The following P2RX2 variants were observed in gnomAD, a reference collection of about 807,000 sequenced individuals.
P2RX2 encodes the protein P2X purinoceptor 2.
P2RX2 carries 50 observed loss-of-function variants against 54.8 expected under a neutral mutation model. The observed-to-expected ratio is 0.91, with a 90% CI of 0.73 to 1.15. The LOEUF (loss-of-function observed/expected upper bound fraction) is 1.15. P2RX2 is among the 50% of genes most tolerant of loss of function. The pLI is 0.00. For missense variants in P2RX2, 658 were observed against 633.2 expected, an observed-to-expected ratio of 1.04 and a Z score of -0.42; for synonymous variants, 289 against 259.4, an observed-to-expected ratio of 1.11 and a Z score of -1.09.
Position 132,619,863 on chromosome 12 carries a change from C to T in P2RX2, c.401C>T (p.Ala134Val), listed in dbSNP as rs1187798176. The T allele has an allele frequency of 1.2e-6, 2 of 1,611,712 alleles. No individual in the cohort carries two copies. Among genetic ancestry groups the T allele is most frequent in the South Asian group, 1.1e-5 (1 of 90,922 alleles). ...CCCTAGAGCATAAGGGTCCACAACG[C>T]CACCTGCCTCTCCGACGCCGACTGC... ...TCPESIRVHN[A>V]TCLSDADCVA... Residue 134 changes from alanine to valine, a missense_variant, in exon 4 of 11, where the codon GCC (alanine) becomes GTC (valine). By Grantham distance (64) the Ala-to-Val change is moderately conservative. Transcript: ENST00000643471.
chr12:132,619,931 C>A lies in P2RX2; in HGVS notation c.457+12C>A, dbSNP rs1465582961. 1.9e-6 allele frequency: 3 copies of A among 1,602,956 alleles called. No homozygotes were observed. The highest frequency in any genetic ancestry group is 3.4e-5 in the Admixed American group (2 of 59,268). On this transcript the variant is annotated intron_variant, in intron 4 of 10. Transcript: ENST00000643471. ...CATGCTGGGAAACGGTCGGTGTGCGCCAGCTGGGGCTGGGCGGGTGGGGCA... is the reference window on the plus strand; with the variant it reads ...CATGCTGGGAAACGGTCGGTGTGCGACAGCTGGGGCTGGGCGGGTGGGGCA...
Position 132,622,071 on chromosome 12 carries a change from G to T in P2RX2, c.*99G>T. On this transcript the variant is annotated 3_prime_UTR_variant, in exon 11 of 11. Coordinates refer to ENST00000643471, the MANE Select transcript of P2RX2 (RefSeq NM_170682.4). ...TGGACGTGGGCACCTCAGTAGCGGA[G>T]CATCTCCACGAAACGGGGCACCACA... The T allele has an allele frequency of 6.4e-7, 1 of 1,566,570 alleles. No individual in the cohort carries two copies. Among genetic ancestry groups the T allele is most frequent in the Non-Finnish European group, 8.6e-7 (1 of 1,160,250 alleles).
rs116421542 is a variant in P2RX2, at chr12:132,621,851, C to G, written c.1295C>G (p.Ala432Gly). Residue 432 changes from alanine to glycine, a missense_variant, in exon 11 of 11, where the codon GCC (alanine) becomes GGC (glycine). Ala to Gly is a moderately conservative substitution (Grantham distance 60). Transcript: ENST00000643471. ...CAACAAGGGGCAGAGTGTGGCCCAG[C>G]CTTCCCGCCCCTGCGGCCTTGCCCC... ...EGQQGAECGP[A>G]FPPLRPCPIS... 29 of 1,612,566 alleles carry G rather than the reference C, an allele frequency of 1.8e-5. No individual in the cohort carries two copies. The highest frequency in any genetic ancestry group is 3.3e-5 in the Admixed American group (2 of 59,920).
Position 132,621,687 on chromosome 12 carries a change from AT to A in P2RX2, c.1134del (p.Phe378LeufsTer16). ...AAAACAAGGTCTACAGCCATAAGAA[AT>A]TTGACAAGGTGTGTACGCCGAGCCA... is the stretch of plus-strand genomic sequence containing the variant. ...NKNKVYSHKK[F>X]DKVCTPSHPS... On this transcript the variant is annotated frameshift_variant, in exon 11 of 11. Transcript: ENST00000643471. LOFTEE classifies it high-confidence loss of function. 6.2e-7 allele frequency: 1 copy of A among 1,613,760 alleles called. No individual in the cohort carries two copies. Among genetic ancestry groups the A allele is most frequent in the Non-Finnish European group, 8.5e-7 (1 of 1,179,896 alleles).
At chr12:132,620,892 G>T (rs145264773) in intron 7 of P2RX2, 109 bp from the exon 8 acceptor site, 12,342 of 476,038 alleles carry the variant, frequency 0.026, 111 homozygotes, top group South Asian at 0.047. Context: ...CTCTCGAGGG[G>T]CCTCTCGTGT....
At position 132,619,578 on chromosome 12, in the gene P2RX2, C is replaced by G. The variant is rs2041550024; in HGVS notation, c.309+4C>G. The G allele has an allele frequency of 6.2e-7, 1 of 1,607,596 alleles. No individual in the cohort carries two copies. Among genetic ancestry groups the G allele is most frequent in the Non-Finnish European group, 8.5e-7 (1 of 1,176,454 alleles). ...GGAGTACGTGAAGCCCCCCGAGGTG[C>G]GGGCCGCCCCCTGCCCCCCGCCCCG... On this transcript the variant is annotated splice_donor_region_variant and intron_variant, in intron 2 of 10. Transcript: ENST00000643471.
In P2RX2 at chr12:132,622,191, T is replaced by C; in HGVS notation, c.*219T>C. On this transcript the variant is annotated 3_prime_UTR_variant, in exon 11 of 11. Transcript: ENST00000643471. Reference sequence around the variant, plus strand: ...TGACACCTCCTCCCCAGCTGGTCCCTACAGGGCTGCTCACTTCCCATCACC... The same window carrying C: ...TGACACCTCCTCCCCAGCTGGTCCCCACAGGGCTGCTCACTTCCCATCACC... 7.0e-7 allele frequency: 1 copy of C among 1,421,834 alleles called. No individual in the cohort carries two copies. Among genetic ancestry groups the C allele is most frequent in the Non-Finnish European group, 9.2e-7 (1 of 1,092,798 alleles). 88.1% of individuals were successfully genotyped at this position (1,421,834 alleles called of 1,614,324 possible).
At chr12:132,619,192 A>T (rs1259463276) in intron 1 of P2RX2, among the ~76,000 whole-genome samples, 1,964 of 38,716 alleles carry the variant, frequency 0.051, 389 homozygotes, top group Admixed American at 0.14. Flanking sequence ...GGCGTGGGGC[A>T]GGGGCTGGGA....
rs1566288018 is a variant in P2RX2 at position 132,618,787 on chromosome 12, G to A, written c.-30G>A. 2.2e-5 allele frequency: 27 copies of A among 1,208,062 alleles called. No homozygotes were observed. The highest frequency in any genetic ancestry group is 2.6e-5 in the Non-Finnish European group (25 of 966,884). The allele number at this position is 1,208,062 out of a possible 1,614,324, so 74.8% of individuals were successfully genotyped here. A position where few individuals can be genotyped will look rare whatever the true frequency, so the allele number is the denominator to read the frequency against. ...CGGGGCCGACCCTCAGCCCTGCAGC[G>A]CCTTCCTGGAGGTGGGGGCCGCCCG... On this transcript the variant is annotated 5_prime_UTR_variant, in exon 1 of 11. Coordinates refer to ENST00000643471, the MANE Select transcript of P2RX2 (RefSeq NM_170682.4).
At chr12:132,620,153 C>A in intron 5 of P2RX2, 57 bp downstream of exon 5, 1 of 1,518,402 alleles carries the variant, frequency 6.6e-7, no homozygotes, top group Non-Finnish European at 9.0e-7. Context: ...TTCCCCTGAC[C>A]AGAGGCCAAA....
Position 132,620,509 on chromosome 12 carries a change from C to T in P2RX2, c.700C>T (p.Leu234Phe), listed in dbSNP as rs777917433. The change falls in exon 7 of 11, where the codon CTC becomes TTC. Residue 234 changes from leucine (L) to phenylalanine (F), a missense_variant. By Grantham distance (22) the Leu-to-Phe change is conservative. Coordinates refer to ENST00000643471, the MANE Select transcript of P2RX2 (RefSeq NM_170682.4). ...KRCTFHEASDLYCPIFKLGFI... is the reference protein window; with the variant it reads ...KRCTFHEASDFYCPIFKLGFI... ...CTGCACGTTCCACGAGGCCTCCGAC[C>T]TCTACTGCCCCATCTTCAAGCTGGG... 1.9e-6 allele frequency: 3 copies of T among 1,614,052 alleles called. No homozygotes were observed. Among genetic ancestry groups the T allele is most frequent in the Non-Finnish European group, 2.5e-6 (3 of 1,179,998 alleles).
rs749050205 is a variant in P2RX2 at position 132,620,599 on chromosome 12, GCAGGGTGGGGC to G, written c.774+26_774+36del. ...CGCACACAAGGCAGGGCAAGCGCAGGCAGGGTGGGGCCAGGGTGGGCTCCCACCTGCACAGA... is the reference window on the plus strand; with the variant it reads ...CGCACACAAGGCAGGGCAAGCGCAGGCAGGGTGGGCTCCCACCTGCACAGA... On this transcript the variant is annotated intron_variant, in intron 7 of 10. Transcript: ENST00000643471. 109 of 1,610,044 alleles carry G rather than the reference GCAGGGTGGGGC, an allele frequency of 6.8e-5. No homozygotes were observed. The highest frequency in any genetic ancestry group is 1.3e-4 in the Admixed American group (8 of 60,012).
In P2RX2 at chr12:132,619,037, G is replaced by C. The variant is rs1404371368; in HGVS notation, c.173+48G>C. The C allele has an allele frequency of 5.6e-6, 6 of 1,062,754 alleles. No homozygotes were observed. In the East Asian group the frequency reaches 2.5e-4, roughly 43 times the overall value. 65.8% of individuals were successfully genotyped at this position (1,062,754 alleles called of 1,614,324 possible). A position where few individuals can be genotyped will look rare whatever the true frequency, so the allele number is the denominator to read the frequency against. On this transcript the variant is annotated intron_variant, in intron 1 of 10. Transcript: ENST00000643471. ...GGCGCGGGGTGCGGGGCGCAGGGGAGGGGCTGGGATTGGGGGCGCTGGGCT... is the reference window on the plus strand; with the variant it reads ...GGCGCGGGGTGCGGGGCGCAGGGGACGGGCTGGGATTGGGGGCGCTGGGCT...
rs776597290 is a variant in P2RX2, at chr12:132,621,227, C to T, written c.906-28C>T. Reference sequence around the variant, plus strand: ...TGGGGCAGCCCTGGAGTGCAGAGGACGAGTGGGCACTGGCGTTCCCATTGC... The same window carrying T: ...TGGGGCAGCCCTGGAGTGCAGAGGATGAGTGGGCACTGGCGTTCCCATTGC... On this transcript the variant is annotated intron_variant, in intron 8 of 10. Transcript: ENST00000643471. 64 of 1,613,718 alleles carry T rather than the reference C, an allele frequency of 4.0e-5. 1 individual carries two copies. The Middle Eastern group carries it at 6.6e-4, about 17-fold the overall frequency.
Position 132,620,892 on chromosome 12 carries a change from GCCTCTC to G in P2RX2, c.775-108_775-103del. On this transcript the variant is annotated intron_variant, in intron 7 of 10. Transcript: ENST00000643471. ...TGGGACTGACCCGGGCTCTCGAGGG[GCCTCTC>G]GTGTGCCCTTGTGACCCCCTTCCCT... 20 of 476,394 alleles carry G rather than the reference GCCTCTC, an allele frequency of 4.2e-5. 5 individuals carry two copies. Among genetic ancestry groups the G allele is most frequent in the South Asian group, 9.6e-5 (2 of 20,730 alleles). The allele number at this position is 476,394 out of a possible 1,614,324, so 29.5% of individuals were successfully genotyped here. A position where few individuals can be genotyped will look rare whatever the true frequency, so the allele number is the denominator to read the frequency against.
In P2RX2 at chr12:132,619,723, C is replaced by A. The variant is rs2041561498; in HGVS notation, c.354C>A (p.His118Gln). The change falls in exon 3 of 11, where the codon CAC becomes CAA. Residue 118 changes from histidine (H) to glutamine (Q), a missense_variant. Transcript: ENST00000643471. ...FSIITRVEAT[H>Q]SQTQGTCPES... ...TCATCACCAGGGTCGAGGCCACCCACTCCCAGACCCAGGGAACCTGCCCCG... is the reference window on the plus strand; with the variant it reads ...TCATCACCAGGGTCGAGGCCACCCAATCCCAGACCCAGGGAACCTGCCCCG... 6.8e-6 allele frequency: 11 copies of A among 1,607,804 alleles called. No individual in the cohort carries two copies. In the East Asian group the frequency reaches 2.2e-4, roughly 33 times the overall value.
At position 132,620,500 on chromosome 12, in the gene P2RX2, G is replaced by A. The variant is rs1169677348; in HGVS notation, c.691G>A (p.Ala231Thr). 6.2e-7 allele frequency: 1 copy of A among 1,614,044 alleles called. No individual in the cohort carries two copies. Among genetic ancestry groups the A allele is most frequent in the Non-Finnish European group, 8.5e-7 (1 of 1,179,996 alleles). ...CCTGAAGCGCTGCACGTTCCACGAG[G>A]CCTCCGACCTCTACTGCCCCATCTT... Reference protein sequence around the residue: ...GYLKRCTFHEASDLYCPIFKL... With the variant: ...GYLKRCTFHETSDLYCPIFKL... Residue 231 changes from alanine to threonine, a missense_variant, in exon 7 of 11, where the codon GCC becomes ACC. Transcript: ENST00000643471.
chr12:132,619,357 C>T (rs1224586615), intron 1 of P2RX2, 82 bp from the exon 2 acceptor site: 2 of 1,525,344 alleles, frequency 1.3e-6, no homozygotes, highest in African/African-American at 2.8e-5. Context: ...ACCCGGGTCG[C>T]GGGAGGGCCC....
At position 132,620,469 on chromosome 12, in the gene P2RX2, C is replaced by G; in HGVS notation, c.660C>G (p.Asp220Glu). The change falls in exon 7 of 11, where the codon GAC (aspartate) becomes GAG (glutamate). Residue 220 changes from aspartate (D) to glutamate (E), a missense_variant. By Grantham distance (45) the Asp-to-Glu change is conservative. Transcript: ENST00000643471. ...GGGGCAACATCGCCGACCGCACAGA[C>G]GGGTACCTGAAGCGCTGCACGTTCC... ...FSKGNIADRTDGYLKRCTFHE... is the reference protein window; with the variant it reads ...FSKGNIADRTEGYLKRCTFHE... 1 of 1,614,092 alleles carries G rather than the reference C, an allele frequency of 6.2e-7. No homozygotes were observed. Among genetic ancestry groups the G allele is most frequent in the Non-Finnish European group, 8.5e-7 (1 of 1,180,012 alleles).
Sources: allele counts gnomAD v4.1 joint callset (sites outside exome capture counted in the v4.1 genomes callset), GRCh38; gene constraint gnomAD v4.1.1; transcripts MANE v1.5; gene names NCBI Gene and HGNC (gene_info 2026-07-23, HGNC 2026-07-21).